NPSR1: variants seen among roughly 807,000 people sequenced by gnomAD.
The protein encoded by NPSR1 is neuropeptide S receptor 1.
NPSR1 carries 48 observed loss-of-function variants against 46.9 expected under a neutral mutation model. That is an observed-to-expected ratio of 1.02 (90% CI 0.81 to 1.30). NPSR1 has a LOEUF of 1.30. Ranked by LOEUF, NPSR1 falls within the 50% of genes most tolerant of loss-of-function variation. NPSR1 has a pLI of 0.00. For missense variants in NPSR1, 450 were observed against 449.5 expected, an observed-to-expected ratio of 1.00 and a Z score of -0.01; for synonymous variants, 176 against 168.1, an observed-to-expected ratio of 1.05 and a Z score of -0.36.
chr7:34,809,415 T>C (rs1424623625), intron 3 of NPSR1, among the ~76,000 whole-genome samples: 2 of 151,882 alleles, frequency 1.3e-5, no homozygotes, highest in East Asian at 3.9e-4. Context: ...ACAGGTAAAC[T>C]TGTGTCATGG....
intron 1 of NPSR1, among the ~76,000 whole-genome samples, chr7:34,681,991 G>A (rs1017807417): frequency 2.0e-5 from 3 of 152,206 alleles, no homozygotes; most frequent in African/African-American, 7.2e-5. Flanking sequence ...TGGGACAGCA[G>A]TTGACAACTA....
chr7:34,876,590 A>AGCTG (rs1465381255), intron 8 of NPSR1, among the ~76,000 whole-genome samples: 1 of 152,156 alleles, frequency 6.6e-6, no homozygotes, highest in Non-Finnish European at 1.5e-5. Context: ...TTGGTGCAAA[A>AGCTG]GCTGTTGCAG....
chr7:34,705,089 G>A (rs1794033290), intron 2 of NPSR1, among the ~76,000 whole-genome samples: 1 of 151,590 alleles, frequency 6.6e-6, no homozygotes, highest in Admixed American at 6.6e-5. Context: ...CATATTTTTT[G>A]CCTGTTTAAC....
chr7:34,823,753 A>G (rs1285086917), intron 4 of NPSR1, among the ~76,000 whole-genome samples: 1 of 152,212 alleles, frequency 6.6e-6, no homozygotes, highest in Non-Finnish European at 1.5e-5. Context: ...AACTTAGATA[A>G]TAATCGGCTA....
intron 2 of NPSR1, among the ~76,000 whole-genome samples, chr7:34,769,722 T>G (rs889221281): frequency 6.6e-6 from 1 of 152,202 alleles, no homozygotes. Context: ...GTCCACCCGC[T>G]TTTGTGCTCC....
chr7:34,678,697 T>G (rs113217254), intron 1 of NPSR1, among the ~76,000 whole-genome samples: 26,611 of 151,458 alleles, frequency 0.18, 3,396 homozygotes, highest in African/African-American at 0.36. Flanking sequence ...ATGGTGGTGG[T>G]TGCCTGCAGT....
intron 3 of NPSR1, among the ~76,000 whole-genome samples, chr7:34,788,461 T>C (rs1045643576): frequency 8.6e-5 from 13 of 151,726 alleles, no homozygotes; most frequent in Non-Finnish European, 1.9e-4. Context: ...AAAGTAAAAA[T>C]GGAAAAAAGA....
At chr7:34,876,958 G>T (rs1791591278) in intron 8 of NPSR1, among the ~76,000 whole-genome samples, 1 of 152,214 alleles carries the variant, frequency 6.6e-6, no homozygotes, top group African/African-American at 2.4e-5. Flanking sequence ...GGGAGTCACG[G>T]CTGCAGGTCA....
chr7:34,857,093 A>G (rs1221111085), intron 8 of NPSR1, among the ~76,000 whole-genome samples: 1 of 151,828 alleles, frequency 6.6e-6, no homozygotes, highest in Non-Finnish European at 1.5e-5. Flanking sequence ...GTAAATCTCT[A>G]TGGAGAAATT....
At chr7:34,840,805 C>G (rs954977423) in intron 6 of NPSR1, among the ~76,000 whole-genome samples, 59 of 152,224 alleles carry the variant, frequency 3.9e-4, no homozygotes, top group African/African-American at 1.4e-3. Context: ...ATCCAGAGAG[C>G]GTCACCATAG....
chr7:34,840,139 C>T (rs909451903), intron 6 of NPSR1, among the ~76,000 whole-genome samples: 2 of 152,088 alleles, frequency 1.3e-5, no homozygotes, highest in Non-Finnish European at 1.5e-5. Flanking sequence ...GGCTAAAAAC[C>T]TCCTGAAAGG....
intron 5 of NPSR1, among the ~76,000 whole-genome samples, chr7:34,829,793 G>C (rs1237574607): frequency 6.6e-6 from 1 of 152,178 alleles, no homozygotes; most frequent in Non-Finnish European, 1.5e-5. Context: ...CAATGTGTTT[G>C]CTGATTGAGG....
At chr7:34,759,022 T>C (rs1194906684) in intron 2 of NPSR1, among the ~76,000 whole-genome samples, 1 of 152,248 alleles carries the variant, frequency 6.6e-6, no homozygotes, top group African/African-American at 2.4e-5. Flanking sequence ...ATTAAGGTTA[T>C]GTGCTTTTGA....
downstream of NPSR1, among the ~76,000 whole-genome samples, chr7:34,852,124 C>T (rs1378034242): frequency 6.6e-6 from 1 of 152,040 alleles, no homozygotes; most frequent in Non-Finnish European, 1.5e-5. Context: ...ACGGTGAAAC[C>T]CTGTCTCTAC....
chr7:34,685,043 T>C (rs1213557003), intron 2 of NPSR1, among the ~76,000 whole-genome samples: 3 of 152,202 alleles, frequency 2.0e-5, no homozygotes, highest in Admixed American at 6.5e-5. Context: ...TCCCAGAAAA[T>C]GTACCAGCAC....
downstream of NPSR1, among the ~76,000 whole-genome samples, chr7:34,853,836 G>A (rs1298990326): frequency 2.0e-5 from 3 of 151,884 alleles, no homozygotes; most frequent in Non-Finnish European, 4.4e-5. Context: ...ATGGTGGCGG[G>A]CCGCCTGTAA....
chr7:34,845,421 C>T (rs1790704735), intron 7 of NPSR1, among the ~76,000 whole-genome samples: 1 of 152,112 alleles, frequency 6.6e-6, no homozygotes, highest in Non-Finnish European at 1.5e-5. Flanking sequence ...ACCTGTCCTT[C>T]CACCCTCCTG....
At chr7:34,742,422 T>C (rs1014888563) in intron 2 of NPSR1, among the ~76,000 whole-genome samples, 2 of 152,338 alleles carry the variant, frequency 1.3e-5, no homozygotes, top group South Asian at 2.1e-4. Flanking sequence ...ATGCGGTATT[T>C]CGTTTTCTGT....
intron 1 of NPSR1, among the ~76,000 whole-genome samples, chr7:34,684,215 T>C (rs1333636684): frequency 6.6e-6 from 1 of 152,218 alleles, no homozygotes; most frequent in African/African-American, 2.4e-5. Flanking sequence ...TTAAACAATT[T>C]CTAATTTCTT....
Sources: gnomAD v4.1 joint callset for allele counts (sites outside exome capture counted in the v4.1 genomes callset) on GRCh38, gnomAD v4.1.1 for gene constraint, MANE v1.5 for transcripts, NCBI Gene and HGNC (gene_info 2026-07-23, HGNC 2026-07-21) for gene names.